The following LRRIQ1 variants were observed in gnomAD, a reference collection of about 807,000 sequenced individuals.
LRRIQ1 encodes the protein leucine rich repeats and IQ motif containing 1.
LRRIQ1 carries 210 observed loss-of-function variants against 211.9 expected under a neutral mutation model. That is an observed-to-expected ratio of 0.99 (90% confidence interval 0.89 to 1.11). The LOEUF (loss-of-function observed/expected upper bound fraction) is 1.11. LRRIQ1 is among the 50% of genes most tolerant of loss of function. LRRIQ1 has a pLI of 0.00. For synonymous variants in LRRIQ1, 699 were observed against 650.1 expected, an observed-to-expected ratio of 1.08 and a Z score of -1.14; for missense variants, 2,136 against 1,939.5, an observed-to-expected ratio of 1.10 and a Z score of -1.90.
At position 85,098,978 on chromosome 12, in the gene LRRIQ1, A is replaced by T; in HGVS notation, c.3193A>T (p.Thr1065Ser). 6.4e-7 allele frequency: 1 copy of T among 1,563,100 alleles called. No homozygotes were observed. The highest frequency in any genetic ancestry group is 8.7e-7 in the Non-Finnish European group (1 of 1,149,842). Reference protein sequence around the residue: ...SYWLPLLQNITISQNSLTKIV... With the variant: ...SYWLPLLQNISISQNSLTKIV... ...CTGGCTGCCTTTACTACAAAATATT[A>T]CTATCTCTCAAAACAGGTAAAAGCA... Residue 1065 changes from threonine to serine, a missense_variant, in exon 13 of 27, where the codon ACT (threonine) becomes TCT (serine). Coordinates refer to ENST00000393217, the MANE Select transcript of LRRIQ1 (RefSeq NM_001079910.2).
At chr12:85,271,144 C>T in the LRRIQ1 span, among the ~76,000 whole-genome samples, 1 of 152,082 alleles carries the variant, frequency 6.6e-6, no homozygotes. Flanking sequence ...AGTACTATAA[C>T]ATATTTGTGA....
chr12:85,170,201 CT>C lies in LRRIQ1; in HGVS notation c.4822+9488del, dbSNP rs1190862809. Among the ~76,000 whole-genome samples, 11 of 151,640 alleles carry C rather than the reference CT, an allele frequency of 7.3e-5. 1 individual carries two copies. Among genetic ancestry groups the C allele is most frequent in the Admixed American group, 3.3e-4 (5 of 15,194 alleles). ...TAGCTCATATTTTTTGTATTTCCCC[CT>C]AATTCTGCCATAATTGAATATTTGT... On this transcript the variant is annotated intron_variant, in intron 24 of 26. Coordinates refer to ENST00000393217, the MANE Select transcript of LRRIQ1 (RefSeq NM_001079910.2).
At chr12:85,187,868 C>T (rs1310546232) in intron 24 of LRRIQ1, among the ~76,000 whole-genome samples, 1 of 151,350 alleles carries the variant, frequency 6.6e-6, no homozygotes, top group African/African-American at 2.4e-5. Flanking sequence ...TCCCTAGTAG[C>T]CACCAAGATG....
At chr12:85,211,403 C>G (rs1229690738) in intron 24 of LRRIQ1, among the ~76,000 whole-genome samples, 1 of 152,146 alleles carries the variant, frequency 6.6e-6, no homozygotes, top group African/African-American at 2.4e-5. Flanking sequence ...GAACACCAAT[C>G]TACAATATTT....
At chr12:85,251,179 C>A (rs561198928) in intron 1 of LRRIQ1, among the ~76,000 whole-genome samples, 34 of 150,028 alleles carry the variant, frequency 2.3e-4, no homozygotes, top group Non-Finnish European at 4.3e-4. Flanking sequence ...ATTATTTATT[C>A]ACAACATTTT....
chr12:85,149,182 T>C (rs936675019), intron 19 of LRRIQ1, among the ~76,000 whole-genome samples: 2 of 152,064 alleles, frequency 1.3e-5, no homozygotes, highest in Non-Finnish European at 2.9e-5. Flanking sequence ...ATTTTGGCTT[T>C]TATTGCAATT....
intron 11 of LRRIQ1, among the ~76,000 whole-genome samples, chr12:85,084,640 G>C (rs1884626433): frequency 6.6e-6 from 1 of 151,902 alleles, no homozygotes; most frequent in Non-Finnish European, 1.5e-5. Context: ...TAAAAGTACA[G>C]TGAGGCTGGG....
chr12:85,141,063 C>T (rs999824079), intron 19 of LRRIQ1, among the ~76,000 whole-genome samples: 6 of 151,136 alleles, frequency 4.0e-5, no homozygotes, highest in African/African-American at 1.2e-4. Context: ...GTTTTAGTAT[C>T]GTATTATGTT....
intron 11 of LRRIQ1, among the ~76,000 whole-genome samples, chr12:85,096,716 G>A (rs1197380773): frequency 6.6e-6 from 1 of 152,018 alleles, no homozygotes; most frequent in Admixed American, 6.6e-5. Context: ...TTTCTTTGTT[G>A]GTTTTCTGCT....
chr12:85,230,325 T>A (rs2137185125), intron 25 of LRRIQ1, among the ~76,000 whole-genome samples: 1 of 152,314 alleles, frequency 6.6e-6, no homozygotes, highest in Non-Finnish European at 1.5e-5. Flanking sequence ...AGGCTACAAG[T>A]TCAAGATCAA....
intron 19 of LRRIQ1, among the ~76,000 whole-genome samples, chr12:85,142,398 G>A (rs184399173): frequency 4.7e-4 from 72 of 151,584 alleles, no homozygotes; most frequent in Admixed American, 4.6e-3. Flanking sequence ...ATGTTTTGAA[G>A]TATATATACA....
intron 26 of LRRIQ1, among the ~76,000 whole-genome samples, chr12:85,240,465 A>G (rs1486860137): frequency 6.6e-6 from 1 of 152,140 alleles, no homozygotes; most frequent in Non-Finnish European, 1.5e-5. Flanking sequence ...AGTTAAATAT[A>G]CACTTAACAT....
At chr12:85,060,017 A>T (rs1164701044) in intron 8 of LRRIQ1, among the ~76,000 whole-genome samples, 2 of 151,948 alleles carry the variant, frequency 1.3e-5, no homozygotes, top group Non-Finnish European at 2.9e-5. Flanking sequence ...TTCTAATTTT[A>T]TTTCTGCCAC....
At chr12:85,129,659 A>G (rs1164748168) in intron 18 of LRRIQ1, among the ~76,000 whole-genome samples, 3 of 152,182 alleles carry the variant, frequency 2.0e-5, no homozygotes, top group East Asian at 3.9e-4. Context: ...TTCTAAGGCC[A>G]TGATTTAGTA....
At chr12:85,100,095 C>T (rs539278782) in intron 13 of LRRIQ1, among the ~76,000 whole-genome samples, 2 of 151,734 alleles carry the variant, frequency 1.3e-5, no homozygotes, top group African/African-American at 2.4e-5. Context: ...ATGAAATATT[C>T]AGCTATGTTT....
rs569823210 is a variant in LRRIQ1 at position 85,227,704 on chromosome 12, G to A, written c.4823-1813G>A. Among the ~76,000 whole-genome samples the A allele has an allele frequency of 4.6e-5, 7 of 152,188 alleles. No homozygotes were observed. In the East Asian group the frequency reaches 9.7e-4, roughly 21 times the overall value. On this transcript the variant is annotated intron_variant, in intron 24 of 26. Transcript: ENST00000393217. Reference sequence around the variant, plus strand: ...TTCATATGGAACCAAAAAAGAGCCCGCATTGCCAACACAATCCTAAGCCAA... The same window carrying A: ...TTCATATGGAACCAAAAAAGAGCCCACATTGCCAACACAATCCTAAGCCAA...
chr12:85,038,316 T>C lies in LRRIQ1; in HGVS notation c.132+8T>C. 3 of 1,500,516 alleles carry C rather than the reference T, an allele frequency of 2.0e-6. No individual in the cohort carries two copies. The highest frequency in any genetic ancestry group is 2.7e-6 in the Non-Finnish European group (3 of 1,119,782). The allele number at this position is 1,500,516 out of a possible 1,614,324, so 93.0% of individuals were successfully genotyped here. A position where few individuals can be genotyped will look rare whatever the true frequency, so the allele number is the denominator to read the frequency against. The stretch of plus-strand genomic sequence containing the variant: ...AGTGATGATAGTGATACAGTGAGTA[T>C]TGCACTTTTGAGCCTTTTAACAGGA... On this transcript the variant is annotated splice_region_variant and intron_variant, in intron 2 of 26. Coordinates refer to ENST00000393217, the MANE Select transcript of LRRIQ1 (RefSeq NM_001079910.2).
intron 4 of LRRIQ1, 151 bp downstream of exon 4, chr12:85,044,960 T>C: frequency 2.4e-6 from 1 of 415,108 alleles, no homozygotes; most frequent in Non-Finnish European, 4.4e-6. Flanking sequence ...GGTTTTATGG[T>C]TTCTTCTGGC....
intron 23 of LRRIQ1, among the ~76,000 whole-genome samples, chr12:85,156,758 A>G (rs1367271557): frequency 6.6e-6 from 1 of 151,780 alleles, no homozygotes; most frequent in Non-Finnish European, 1.5e-5. Context: ...TTTTTAAGCC[A>G]CTAGAGAGCA....
Sources: allele counts gnomAD v4.1 joint callset (sites outside exome capture counted in the v4.1 genomes callset), GRCh38; gene constraint gnomAD v4.1.1; transcripts MANE v1.5; gene names NCBI Gene and HGNC (gene_info 2026-07-23, HGNC 2026-07-21).